Variants in MYH9 observed in about 807,000 individuals in gnomAD.
The protein encoded by MYH9 is myosin heavy chain 9, also known as myosin-9.
MYH9 carries 29 observed loss-of-function variants against 241.9 expected under a neutral mutation model. The ratio of observed to expected loss-of-function variants is 0.12; its 90% CI spans 0.09 to 0.16. The LOEUF (loss-of-function observed/expected upper bound fraction) is 0.16, where lower values mean the gene tolerates loss of function less well. MYH9 is among the 10% of genes least tolerant of loss of function. The pLI is 1.00. For missense variants in MYH9, 1,803 were observed against 2,595.5 expected, an observed-to-expected ratio of 0.69 and a Z score of 6.63; for synonymous variants, 1,047 against 1,062.6, an observed-to-expected ratio of 0.99 and a Z score of 0.29.
At chr22:36,376,865 C>A (rs1344651727) in intron 1 of MYH9, among the ~76,000 whole-genome samples, 1 of 152,104 alleles carries the variant, frequency 6.6e-6, no homozygotes, top group Non-Finnish European at 1.5e-5. Context: ...GAGTTTGAGA[C>A]CAGCCTAGCC....
chr22:36,321,373 T>G (rs2017248478), intron 7 of MYH9, among the ~76,000 whole-genome samples: 1 of 152,186 alleles, frequency 6.6e-6, no homozygotes. Context: ...GCATGGCATG[T>G]CCAAGAGGAG....
intron 5 of MYH9, chr22:36,325,173 A>T: frequency 1.4e-6 from 1 of 731,074 alleles, no homozygotes. Flanking sequence ...GGATGGAGAG[A>T]GAGAGAGACA....
Position 36,320,384 on chromosome 22 carries a change from G to C in MYH9, c.869-21C>G, listed in dbSNP as rs369574507. Reference sequence around the variant, plus strand: ...ATCGGCTGTAAGGGGTGGAGGGCAAGGGCGCCTCAGCGAGGTGCTGAAAGT... The same window carrying C: ...ATCGGCTGTAAGGGGTGGAGGGCAACGGCGCCTCAGCGAGGTGCTGAAAGT... On this transcript the variant is annotated intron_variant, in intron 8 of 40. Coordinates refer to ENST00000216181, the MANE Select transcript of MYH9 (RefSeq NM_002473.6). This position sits in a 1 kb window ranked among gnomAD's most constrained non-coding sequence, Gnocchi z 4.8. The C allele has an allele frequency of 6.2e-7, 1 of 1,611,500 alleles. No individual in the cohort carries two copies. Among genetic ancestry groups the C allele is most frequent in the Non-Finnish European group, 8.5e-7 (1 of 1,180,000 alleles).
chr22:36,293,697 T>A lies in MYH9; in HGVS notation c.3942+62A>T. On this transcript the variant is annotated intron_variant, in intron 29 of 40. Coordinates refer to ENST00000216181, the MANE Select transcript of MYH9 (RefSeq NM_002473.6). This position sits in a 1 kb window ranked among gnomAD's most constrained non-coding sequence, Gnocchi z 5.1. ...ATCCGATGGGCTCTGAAGCTAATGT[T>A]GCGTGGACACAGAGGCCTTTCTGGA... is the stretch of plus-strand genomic sequence containing the variant. 1 of 1,463,138 alleles carries A rather than the reference T, an allele frequency of 6.8e-7. No homozygotes were observed. Among genetic ancestry groups the A allele is most frequent in the African/African-American group, 1.4e-5 (1 of 71,946 alleles). 90.6% of individuals were successfully genotyped at this position (1,463,138 alleles called of 1,614,324 possible).
At chr22:36,386,390 T>C (rs2146434049) in intron 1 of MYH9, among the ~76,000 whole-genome samples, 1 of 152,204 alleles carries the variant, frequency 6.6e-6, no homozygotes, top group East Asian at 1.9e-4. Context: ...ATTAATTGAG[T>C]GATTGTCTCA....
intron 5 of MYH9, among the ~76,000 whole-genome samples, chr22:36,326,028 C>T (rs958037224): frequency 2.0e-5 from 3 of 152,102 alleles, no homozygotes; most frequent in African/African-American, 7.2e-5. Context: ...GCTCACCTAG[C>T]GAGGACACTG....
intron 3 of MYH9, among the ~76,000 whole-genome samples, chr22:36,334,306 G>A (rs964140242): frequency 2.6e-5 from 4 of 152,218 alleles, no homozygotes; most frequent in Admixed American, 2.0e-4. Context: ...CCCGGCTGCA[G>A]CCATGGTGTT....
In MYH9 at chr22:36,301,630, C is replaced by T. The variant is rs776121556; in HGVS notation, c.2535G>A (p.Glu845=). The stretch of plus-strand genomic sequence containing the variant: ...GCTCCTCCTCCTTGGCCATCATCTC[C>T]TCCTCCTGCCGGCTCACCTGCAGCA... ...KPLLQVSRQE[E]EMMAKEEELV... is the part of the protein sequence containing the mutation. The change falls in exon 21 of 41, where the codon GAG becomes GAA. Residue 845 remains glutamate, a synonymous_variant. Coordinates refer to ENST00000216181, the MANE Select transcript of MYH9 (RefSeq NM_002473.6). The T allele has an allele frequency of 2.0e-5, 32 of 1,613,834 alleles. No homozygotes were observed. Among genetic ancestry groups the T allele is most frequent in the Non-Finnish European group, 2.7e-5 (32 of 1,180,042 alleles).
intron 5 of MYH9, chr22:36,325,018 G>A (rs1414615638): frequency 1.4e-6 from 1 of 739,476 alleles, no homozygotes; most frequent in Admixed American, 1.9e-5. Context: ...TCACATACTA[G>A]GCAGTCAATA....
chr22:36,352,360 G>A (rs1377392796), intron 1 of MYH9, among the ~76,000 whole-genome samples: 4 of 152,198 alleles, frequency 2.6e-5, no homozygotes, highest in Non-Finnish European at 5.9e-5. Context: ...GCCCGCTACT[G>A]TCGGCGCAAG....
intron 1 of MYH9, among the ~76,000 whole-genome samples, chr22:36,359,295 A>C (rs372712065): frequency 2.0e-5 from 3 of 152,222 alleles, no homozygotes; most frequent in South Asian, 2.1e-4. Context: ...AAGTGTCCTG[A>C]ATGAATAAAT....
intron 1 of MYH9, among the ~76,000 whole-genome samples, chr22:36,385,427 TC>T (rs2018336947): frequency 6.6e-6 from 1 of 152,168 alleles, no homozygotes; most frequent in Non-Finnish European, 1.5e-5. Context: ...AGTGTGTTTT[TC>T]TTCTTTTAAA....
In MYH9 at chr22:36,348,974, T is replaced by G. The variant is rs749533216; in HGVS notation, c.263A>C (p.Glu88Ala). The change falls in exon 2 of 41, where the codon GAG becomes GCG. Residue 88 changes from glutamate to alanine, a missense_variant. Physicochemically the swap from Glu to Ala is moderately radical, Grantham distance 107 (BLOSUM62 -1). Around this residue, in one of 11 missense-constraint regions of MYH9, gnomAD observed 72 missense variants for 134.3 expected, o/e 0.54. Transcript: ENST00000216181. ...CGAGGCTTCGTTGAGGCACGTGAGC[T>G]CTGCCATGTCCTCCACCTTGGAGAA... ...PKFSKVEDMA[E>A]LTCLNEASVL... is the part of the protein sequence containing the mutation. 8.7e-6 allele frequency: 14 copies of G among 1,614,248 alleles called. No homozygotes were observed. Among genetic ancestry groups the G allele is most frequent in the Non-Finnish European group, 1.2e-5 (14 of 1,180,056 alleles).
At position 36,319,800 on chromosome 22, in the gene MYH9, G is replaced by C. The variant is rs532818301; in HGVS notation, c.1013-165C>G. On this transcript the variant is annotated intron_variant, in intron 9 of 40. Transcript: ENST00000216181. ...CCAGGTCTGCGTCTAACGGTGTGCG[G>C]TGGGCCCAGCCACCCTAGAGGGCTC... 13 of 738,566 alleles carry C rather than the reference G, an allele frequency of 1.8e-5. No homozygotes were observed. In the African/African-American group the frequency reaches 2.0e-4, roughly 12 times the overall value. The allele number at this position is 738,566 out of a possible 1,614,324, so 45.8% of individuals were successfully genotyped here.
intron 4 of MYH9, 114 bp from the exon 5 acceptor site, chr22:36,326,775 C>A (rs1420100029): frequency 1.1e-6 from 1 of 883,914 alleles, no homozygotes; most frequent in Non-Finnish European, 1.9e-6. Context: ...CGTGAAGGAC[C>A]CAACGTGTGG....
chr22:36,289,232 C>A lies in MYH9; in HGVS notation c.4410G>T (p.Glu1470Asp). 2 of 1,613,110 alleles carry A rather than the reference C, an allele frequency of 1.2e-6. No individual in the cohort carries two copies. The highest frequency in any genetic ancestry group is 2.2e-5 in the South Asian group (2 of 91,086). The stretch of plus-strand genomic sequence containing the variant: ...GAGCCTTGGTCTCCTTCTCTCGGGC[C>A]TCCGCCTCAGCCCGGTCGCGCTCCT... The part of the protein sequence containing the change: ...YAEERDRAEA[E>D]AREKETKALS... The change falls in exon 32 of 41, where the codon GAG (glutamate) becomes GAT (aspartate). Residue 1470 changes from glutamate to aspartate, a missense_variant. Glu to Asp is a conservative substitution (Grantham distance 45). Transcript: ENST00000216181.
intron 1 of MYH9, among the ~76,000 whole-genome samples, chr22:36,380,658 T>C (rs2146427044): frequency 6.6e-6 from 1 of 152,032 alleles, no homozygotes; most frequent in South Asian, 2.1e-4. Flanking sequence ...GGAGAATCGC[T>C]TGAACCTGGG....
intron 38 of MYH9, among the ~76,000 whole-genome samples, 192 bp downstream of exon 38, chr22:36,284,929 T>A (rs1313456291): frequency 6.6e-6 from 1 of 152,086 alleles, no homozygotes; most frequent in Non-Finnish European, 1.5e-5. Flanking sequence ...GAACAGAGAA[T>A]CCTGTTCAAA....
chr22:36,301,804 G>T, intron 20 of MYH9, 139 bp from the exon 21 acceptor site: 2 of 1,170,206 alleles, frequency 1.7e-6, no homozygotes, highest in Non-Finnish European at 2.5e-6. Context: ...GCTGCAAGCA[G>T]GCACATCCTT....
Sources: allele counts gnomAD v4.1 joint callset (sites outside exome capture counted in the v4.1 genomes callset), GRCh38; gene constraint gnomAD v4.1.1; regional missense constraint gnomAD v4.1.1; non-coding constraint Gnocchi (gnomAD v3.1); transcripts MANE v1.5; gene names NCBI Gene and HGNC (gene_info 2026-07-23, HGNC 2026-07-21).